SMAD3: variants seen among roughly 807,000 people sequenced by gnomAD.
SMAD3 encodes SMAD family member 3, also known as MAD homolog 3.
Under a neutral mutation model 51.8 loss-of-function variants are expected in SMAD3, and 12 were observed. The observed-to-expected ratio is 0.23, with a 90% confidence interval of 0.15 to 0.38. The LOEUF (loss-of-function observed/expected upper bound fraction) is 0.38. Ranked by LOEUF, SMAD3 falls within the 10% of genes least tolerant of loss-of-function variation. The probability of loss-of-function intolerance (pLI) is 1.00; values close to 1 mark genes in which losing one functional copy is unlikely to be tolerated. For missense variants in SMAD3, 294 were observed against 565.6 expected (o/e 0.52, Z 4.87); for synonymous variants, 238 against 227.7 (o/e 1.05, Z -0.41).
chr15:67,090,878 A>G (rs1265113889), intron 1 of SMAD3, among the ~76,000 whole-genome samples: 1 of 152,128 alleles, frequency 6.6e-6, no homozygotes, highest in African/African-American at 2.4e-5. Context: ...ACAGACCACC[A>G]AACTGTGTTT....
chr15:67,108,600 T>TG (rs949145848), intron 1 of SMAD3, among the ~76,000 whole-genome samples: 27 of 152,302 alleles, frequency 1.8e-4, no homozygotes, highest in African/African-American at 6.5e-4. Context: ...CATTGGTTTC[T>TG]GGGTTATTCT....
chr15:67,138,265 CCT>C, intron 1 of SMAD3: 1 of 597,628 alleles, frequency 1.7e-6, no homozygotes, highest in East Asian at 2.9e-5. Context: ...TAGGAAACCC[CCT>C]GTGTGGGTGA....
At chr15:67,099,897 C>A (rs1395873653) in intron 1 of SMAD3, among the ~76,000 whole-genome samples, 2 of 152,158 alleles carry the variant, frequency 1.3e-5, no homozygotes, top group Non-Finnish European at 2.9e-5. Flanking sequence ...AAATGAAGTA[C>A]GTGGCCGGGC....
At position 67,180,419 on chromosome 15, in the gene SMAD3, A is replaced by G. The variant is rs149979010; in HGVS notation, c.659-822A>G. ...GCCATTTACTCTTCTGAGAAAGAGA[A>G]CCAGCCCCTTGTAGAATGGCAGTTT... On this transcript the variant is annotated intron_variant, in intron 5 of 8. Coordinates refer to ENST00000327367, the MANE Select transcript of SMAD3 (RefSeq NM_005902.4). 8.6e-3 allele frequency among the ~76,000 whole-genome samples: 1,313 copies of G among 151,982 alleles called. 49 individuals are homozygous for G. The highest frequency in any genetic ancestry group is 0.066 in the Admixed American group (1,012 of 15,244).
intron 6 of SMAD3, among the ~76,000 whole-genome samples, chr15:67,183,000 A>AATATATATATAT (rs1555413788): frequency 2.3e-5 from 1 of 43,648 alleles, no homozygotes; most frequent in African/African-American, 1.4e-4. Context: ...AAAAAAAAAA[A>AATATATATATAT]ATATATATAT....
intron 1 of SMAD3, among the ~76,000 whole-genome samples, chr15:67,124,507 A>C (rs1433163833): frequency 6.6e-6 from 1 of 151,610 alleles, no homozygotes; most frequent in Non-Finnish European, 1.5e-5. Context: ...AGAAGAGTAG[A>C]CAAATACTTT....
At chr15:67,111,406 G>A (rs1245055090) in intron 1 of SMAD3, among the ~76,000 whole-genome samples, 3 of 152,128 alleles carry the variant, frequency 2.0e-5, no homozygotes, top group African/African-American at 7.2e-5. Context: ...TAGACATTTG[G>A]GTTGTTTTCA....
chr15:67,122,638 C>A (rs1359421407), intron 1 of SMAD3, among the ~76,000 whole-genome samples: 1 of 152,148 alleles, frequency 6.6e-6, no homozygotes, highest in African/African-American at 2.4e-5. Flanking sequence ...TGTTTTCAAG[C>A]CAGGACTTAC....
intron 1 of SMAD3, among the ~76,000 whole-genome samples, chr15:67,161,070 C>T (rs1325666005): frequency 1.3e-5 from 2 of 152,020 alleles, no homozygotes; most frequent in Non-Finnish European, 2.9e-5. Context: ...TTCTTCTAGA[C>T]ATTTTAGAGT....
intron 1 of SMAD3, among the ~76,000 whole-genome samples, chr15:67,083,199 G>T (rs542462166): frequency 1.3e-5 from 2 of 152,348 alleles, no homozygotes; most frequent in East Asian, 3.9e-4. Flanking sequence ...GAAGTTAATG[G>T]TCCAAGTTCA....
At chr15:67,180,708 C>T (rs1963028181) in intron 5 of SMAD3, among the ~76,000 whole-genome samples, 1 of 151,864 alleles carries the variant, frequency 6.6e-6, no homozygotes, top group African/African-American at 2.4e-5. Flanking sequence ...GGAGTTTTTG[C>T]CCCCAAGGCT....
intron 7 of SMAD3, chr15:67,186,825 G>C: frequency 8.8e-6 from 3 of 341,742 alleles, no homozygotes; most frequent in South Asian, 6.7e-5. Context: ...CAGGTGGAGG[G>C]TGCACTGGGC....
At chr15:67,112,166 T>TTTTTTTTTTTG (rs56777498) in intron 1 of SMAD3, among the ~76,000 whole-genome samples, 1 of 141,778 alleles carries the variant, frequency 7.1e-6, no homozygotes, top group Non-Finnish European at 1.5e-5. Context: ...TTTTTTTTTT[T>TTTTTTTTTTTG]GAGACAGAGT....
chr15:67,095,882 G>C (rs1960605146), intron 1 of SMAD3, among the ~76,000 whole-genome samples: 1 of 152,234 alleles, frequency 6.6e-6, no homozygotes, highest in Non-Finnish European at 1.5e-5. Flanking sequence ...TTTGGAGCAT[G>C]AGCATGGATA....
intron 1 of SMAD3, among the ~76,000 whole-genome samples, chr15:67,106,439 A>G (rs928374127): frequency 6.6e-6 from 1 of 151,916 alleles, no homozygotes; most frequent in Non-Finnish European, 1.5e-5. Flanking sequence ...CTTAAATGTC[A>G]TCTAAGAGAG....
intron 1 of SMAD3, among the ~76,000 whole-genome samples, chr15:67,118,384 C>T (rs1420350380): frequency 6.6e-6 from 1 of 152,210 alleles, no homozygotes; most frequent in Non-Finnish European, 1.5e-5. Flanking sequence ...TTTTCTGCTA[C>T]TAAGTAGAAG....
intron 1 of SMAD3, among the ~76,000 whole-genome samples, chr15:67,108,996 A>G (rs1198605480): frequency 6.6e-6 from 1 of 152,356 alleles, no homozygotes; most frequent in South Asian, 2.1e-4. Flanking sequence ...ATTTTCCTCA[A>G]GTTGGCTTTT....
chr15:67,071,109 C>G (rs1960043466), intron 1 of SMAD3, among the ~76,000 whole-genome samples: 1 of 152,138 alleles, frequency 6.6e-6, no homozygotes, highest in Non-Finnish European at 1.5e-5. Context: ...GAGGAATGTG[C>G]TAAGTGCCCA....
intron 1 of SMAD3, among the ~76,000 whole-genome samples, chr15:67,081,121 G>A (rs185845750): frequency 7.2e-5 from 11 of 152,300 alleles, no homozygotes; most frequent in East Asian, 3.9e-4. Flanking sequence ...TGCCCCTGTC[G>A]TTAGCCTTTG....
Sources: allele counts gnomAD v4.1 joint callset (sites outside exome capture counted in the v4.1 genomes callset), GRCh38; gene constraint gnomAD v4.1.1; transcripts MANE v1.5; gene names NCBI Gene and HGNC (gene_info 2026-07-23, HGNC 2026-07-21).